NAT1: variants seen among roughly 807,000 people sequenced by gnomAD.
NAT1 encodes arylamine N-acetyltransferase 1.
For synonymous variants in NAT1, 144 were observed against 122.6 expected (o/e 1.17, Z -1.16); for missense variants, 400 against 339.2 (o/e 1.18, Z -1.41).
At position 18,222,220 on chromosome 8, in the gene NAT1, A is replaced by G. The variant is rs1805380032; in HGVS notation, c.173A>G (p.Gln58Arg). 1.2e-6 allele frequency: 2 copies of G among 1,614,102 alleles called. No individual in the cohort carries two copies. Among genetic ancestry groups the G allele is most frequent in the East Asian group, 2.2e-5 (1 of 44,870 alleles). Residue 58 changes from glutamine to arginine, a missense_variant, in exon 3 of 3, where the codon CAA (glutamine) becomes CGA (arginine). Transcript: ENST00000307719. Reference protein sequence around the residue: ...MDLGLEAIFDQVVRRNRGGWC... With the variant: ...MDLGLEAIFDRVVRRNRGGWC... ...TTAGGCTTAGAGGCCATTTTTGATC[A>G]AGTTGTGAGAAGAAATCGGGGTGGA...
chr8:18,173,894 A>G (rs1802191438), intron 2 of NAT1, among the ~76,000 whole-genome samples: 1 of 151,996 alleles, frequency 6.6e-6, no homozygotes, highest in South Asian at 2.1e-4. Context: ...TTATAGTTAT[A>G]GTTTCATTGC....
upstream of NAT1, among the ~76,000 whole-genome samples, chr8:18,206,349 G>T (rs1304500325): frequency 6.6e-6 from 1 of 152,178 alleles, no homozygotes; most frequent in Non-Finnish European, 1.5e-5. Flanking sequence ...TCTTCTAGGA[G>T]TATACCAGTC....
intron 2 of NAT1, among the ~76,000 whole-genome samples, chr8:18,219,963 G>C (rs1805111786): frequency 6.6e-6 from 1 of 152,192 alleles, no homozygotes; most frequent in Admixed American, 6.5e-5. Context: ...CCAAATAAAA[G>C]AGATATAAAG....
intron 2 of NAT1, among the ~76,000 whole-genome samples, chr8:18,171,698 C>T (rs1802102791): frequency 6.6e-6 from 1 of 152,174 alleles, no homozygotes; most frequent in Admixed American, 6.5e-5. Flanking sequence ...TTACACAATT[C>T]TGCAGACAAA....
At chr8:18,195,768 T>C (rs146981068) in intron 2 of NAT1, among the ~76,000 whole-genome samples, 1 of 152,174 alleles carries the variant, frequency 6.6e-6, no homozygotes, top group Non-Finnish European at 1.5e-5. Flanking sequence ...TAGCATCAGC[T>C]GCACTCAGAG....
chr8:18,189,817 T>A (rs1408910911), intron 2 of NAT1, among the ~76,000 whole-genome samples: 2 of 152,082 alleles, frequency 1.3e-5, no homozygotes, highest in East Asian at 3.9e-4. Flanking sequence ...GTGACAAGAG[T>A]CTCACTCTGT....
intron 2 of NAT1, among the ~76,000 whole-genome samples, chr8:18,190,009 C>T (rs747095090): frequency 6.6e-6 from 1 of 152,160 alleles, no homozygotes; most frequent in African/African-American, 2.4e-5. Flanking sequence ...AGGCTGGTCT[C>T]GAACTCCTGA....
intron 2 of NAT1, among the ~76,000 whole-genome samples, chr8:18,192,850 G>T (rs1803058319): frequency 3.4e-5 from 5 of 147,382 alleles, no homozygotes; most frequent in South Asian, 2.3e-4. Context: ...TGGGGTGGGG[G>T]AAGGGGGGAG....
At chr8:18,188,308 G>C (rs1802825732) in intron 2 of NAT1, among the ~76,000 whole-genome samples, 1 of 152,124 alleles carries the variant, frequency 6.6e-6, no homozygotes, top group Non-Finnish European at 1.5e-5. Context: ...ACAGCTTTAT[G>C]TCAACTTTGA....
intron 2 of NAT1, among the ~76,000 whole-genome samples, chr8:18,174,031 T>C (rs997635036): frequency 6.6e-6 from 1 of 152,144 alleles, no homozygotes; most frequent in Non-Finnish European, 1.5e-5. Flanking sequence ...TTGATGTGTG[T>C]GTGAGTCATC....
chr8:18,215,844 T>C (rs960989200), intron 1 of NAT1, among the ~76,000 whole-genome samples: 28 of 152,238 alleles, frequency 1.8e-4, no homozygotes, highest in African/African-American at 5.8e-4. Flanking sequence ...GACTTGTCAA[T>C]TGAGGAAAAT....
At chr8:18,188,076 A>G (rs73666896) in intron 2 of NAT1, among the ~76,000 whole-genome samples, 8,495 of 152,126 alleles carry the variant, frequency 0.056, 717 homozygotes, top group African/African-American at 0.18. Flanking sequence ...TCTTTACATA[A>G]TACAGACTAG....
At chr8:18,199,292 C>T (rs569728614) in intron 2 of NAT1, among the ~76,000 whole-genome samples, 38 of 138,702 alleles carry the variant, frequency 2.7e-4, no homozygotes, top group South Asian at 2.5e-3. Context: ...CCAGCCTGGG[C>T]GACAAAACAA....
intron 2 of NAT1, among the ~76,000 whole-genome samples, chr8:18,202,969 A>T (rs571790236): frequency 6.6e-6 from 1 of 152,278 alleles, no homozygotes; most frequent in African/African-American, 2.4e-5. Flanking sequence ...TCGATTTTAC[A>T]GAGTACTGAT....
chr8:18,189,013 G>A lies in NAT1; in HGVS notation n.92+18274G>A, dbSNP rs140887746. ...CCGACTCAAAAAAAAAAAAAAAAAA[G>A]AAAGAAAGAAAGAAAGAAAATCAGT... On this transcript the variant is annotated intron_variant and non_coding_transcript_variant, in intron 2 of 4. Coordinates refer to the NAT1 transcript ENST00000517441. Among the ~76,000 whole-genome samples the A allele has an allele frequency of 8.3e-3, 517 of 62,560 alleles. 1 individual carries two copies. The highest frequency in any genetic ancestry group is 0.028 in the Middle Eastern group (4 of 144). 41.0% of individuals were successfully genotyped at this position (62,560 alleles called of 152,430 possible). A position where few individuals can be genotyped will look rare whatever the true frequency, so the allele number is the denominator to read the frequency against.
intron 2 of NAT1, among the ~76,000 whole-genome samples, chr8:18,204,863 T>A (rs75822104): frequency 0.011 from 1,636 of 152,318 alleles, 15 homozygotes; most frequent in Middle Eastern, 0.079. Context: ...AATCCTTTTA[T>A]CCTATTTGAT....
intron 1 of NAT1, among the ~76,000 whole-genome samples, chr8:18,215,435 A>G (rs1804553633): frequency 6.6e-6 from 1 of 152,202 alleles, no homozygotes; most frequent in Non-Finnish European, 1.5e-5. Flanking sequence ...ACGATATTGT[A>G]TCTATATGGT....
chr8:18,189,120 AATGCATT>A (rs1164612265), intron 2 of NAT1, among the ~76,000 whole-genome samples: 1 of 152,130 alleles, frequency 6.6e-6, no homozygotes, highest in African/African-American at 2.4e-5. Flanking sequence ...CAACACATAA[AATGCATT>A]ATTCACTCAT....
intron 2 of NAT1, among the ~76,000 whole-genome samples, chr8:18,177,079 T>A (rs1425517945): frequency 6.6e-6 from 1 of 152,076 alleles, no homozygotes; most frequent in Non-Finnish European, 1.5e-5. Context: ...TTGCATCTTA[T>A]TGAATTGATC....
Sources: allele counts gnomAD v4.1 joint callset (sites outside exome capture counted in the v4.1 genomes callset), GRCh38; gene constraint gnomAD v4.1.1; transcripts MANE v1.5; gene names NCBI Gene and HGNC (gene_info 2026-07-23, HGNC 2026-07-21).